Variants in GPR137C observed in about 807,000 individuals in gnomAD.
GPR137C encodes G protein-coupled receptor 137C.
GPR137C carries 27 observed loss-of-function variants against 43.4 expected under a neutral mutation model. The ratio of observed to expected loss-of-function variants is 0.62; its 90% CI spans 0.46 to 0.86. GPR137C has a LOEUF of 0.86. Ranked by LOEUF, GPR137C falls within the 40% of genes least tolerant of loss-of-function variation. The probability of loss-of-function intolerance (pLI) is 0.00; values close to 1 mark genes in which losing one functional copy is unlikely to be tolerated. For missense variants in GPR137C, 522 were observed against 534.6 expected (o/e 0.98, Z 0.23); for synonymous variants, 285 against 226.9 (o/e 1.26, Z -2.30).
At chr14:52,570,438 C>T (rs2038447818) in intron 1 of GPR137C, among the ~76,000 whole-genome samples, 1 of 152,162 alleles carries the variant, frequency 6.6e-6, no homozygotes, top group African/African-American at 2.4e-5. Flanking sequence ...ACTGCATCGA[C>T]TAACGGGCAA....
intron 1 of GPR137C, among the ~76,000 whole-genome samples, chr14:52,569,196 G>A (rs913068496): frequency 2.6e-5 from 4 of 152,170 alleles, no homozygotes; most frequent in African/African-American, 4.8e-5. Flanking sequence ...CACCGGAGGG[G>A]CCTGACTGTT....
chr14:52,611,076 A>C (rs1249997017), intron 3 of GPR137C, among the ~76,000 whole-genome samples: 1 of 152,222 alleles, frequency 6.6e-6, no homozygotes, highest in South Asian at 2.1e-4. Context: ...TGCTATCATT[A>C]ATATAAAAGT....
intron 4 of GPR137C, 109 bp from the exon 5 acceptor site, chr14:52,633,421 C>A: frequency 1.2e-6 from 1 of 842,008 alleles, no homozygotes; most frequent in Non-Finnish European, 1.8e-6. Context: ...AGTTTATGTG[C>A]TTGTAGTTGA....
Position 52,559,887 on chromosome 14 carries a change from A to G in GPR137C, c.444+6296A>G, listed in dbSNP as rs1231780453. Among the ~76,000 whole-genome samples the G allele has an allele frequency of 1.3e-5, 2 of 152,196 alleles. 1 individual carries two copies. The highest frequency in any genetic ancestry group is 3.9e-4 in the East Asian group (2 of 5,192). The stretch of plus-strand genomic sequence containing the variant: ...ATATAAAAATTCCACTTGGCAGGGC[A>G]TGGTAGCTCACGCCTTTAATCTCAG... On this transcript the variant is annotated intron_variant, in intron 1 of 6. Transcript: ENST00000321662.
rs534915958 is a variant in GPR137C, at chr14:52,578,862, T to A, written c.445-19410T>A. Among the ~76,000 whole-genome samples the A allele has an allele frequency of 5.9e-5, 9 of 151,988 alleles. No homozygotes were observed. The South Asian group carries it at 1.9e-3, about 32-fold the overall frequency. ...AGGAGGCTGAGGCTGGAGAATCTCT[T>A]GAACCTAGGAGGCCGAGTTTGCAGT... On this transcript the variant is annotated intron_variant, in intron 1 of 6. Coordinates refer to ENST00000321662, the MANE Select transcript of GPR137C (RefSeq NM_001099652.2).
intron 1 of GPR137C, among the ~76,000 whole-genome samples, chr14:52,583,134 AAATTGACATC>A (rs2038669637): frequency 2.0e-5 from 3 of 152,202 alleles, no homozygotes. Flanking sequence ...CATCTGACTT[AAATTGACATC>A]AGTAAGTCAT....
Position 52,634,390 on chromosome 14 carries a change from C to G in GPR137C, c.1112+444C>G, listed in dbSNP as rs911332646. 2.6e-5 allele frequency among the ~76,000 whole-genome samples: 4 copies of G among 152,078 alleles called. No individual in the cohort carries two copies. The South Asian group carries it at 8.3e-4, about 31-fold the overall frequency. On this transcript the variant is annotated intron_variant, in intron 6 of 6. Transcript: ENST00000321662. ...TTACAAAACCATTTCAAGTCCGTAA[C>G]TAGTACACTATTGACTGTGATTCGG...
chr14:52,631,184 T>C (rs2139582876), intron 3 of GPR137C, among the ~76,000 whole-genome samples: 1 of 152,314 alleles, frequency 6.6e-6, no homozygotes, highest in African/African-American at 2.4e-5. Context: ...CAGATAATTA[T>C]AAACAGGTGT....
At position 52,636,242 on chromosome 14, in the gene GPR137C, G is replaced by GTAC. The variant is rs1566629687; in HGVS notation, c.*1129_*1130insCTA. 1 of 151,842 alleles carries GTAC rather than the reference G, an allele frequency of 6.6e-6. No homozygotes were observed. Among genetic ancestry groups the GTAC allele is most frequent in the Non-Finnish European group, 1.5e-5 (1 of 67,912 alleles). 9.4% of individuals were successfully genotyped at this position (151,842 alleles called of 1,614,324 possible). A position where few individuals can be genotyped will look rare whatever the true frequency, so the allele number is the denominator to read the frequency against. ...AAACTTAAGTAAATGTACAAACTAG[G>GTAC]TAAGTATAAAACCACAGGTTAACAA... On this transcript the variant is annotated 3_prime_UTR_variant, in exon 7 of 7. Transcript: ENST00000321662.
intron 3 of GPR137C, among the ~76,000 whole-genome samples, chr14:52,619,727 C>CA (rs1313341552): frequency 2.0e-5 from 3 of 152,020 alleles, no homozygotes; most frequent in African/African-American, 7.2e-5. Context: ...AAAAGCCATC[C>CA]ACTCCATAAT....
chr14:52,612,883 A>G (rs1466138285), intron 3 of GPR137C: 1 of 151,778 alleles, frequency 6.6e-6, no homozygotes, highest in African/African-American at 2.4e-5. Context: ...ATTTTTTTTA[A>G]TTCTTAGAAA....
chr14:52,637,025 C>T lies in GPR137C; in HGVS notation c.*1910C>T, dbSNP rs1214906745. ...AAAGTTTTTCTAGTAAGGCTCCCCT[C>T]GATAATGTTCCTATTTGACCAAACT... On this transcript the variant is annotated 3_prime_UTR_variant, in exon 7 of 7. Coordinates refer to ENST00000321662, the MANE Select transcript of GPR137C (RefSeq NM_001099652.2). The T allele has an allele frequency of 3.3e-5, 5 of 152,052 alleles. No individual in the cohort carries two copies. Among genetic ancestry groups the T allele is most frequent in the Non-Finnish European group, 5.9e-5 (4 of 67,960 alleles). 9.4% of individuals were successfully genotyped at this position (152,052 alleles called of 1,614,324 possible).
chr14:52,620,799 C>A (rs1182782449), intron 3 of GPR137C, among the ~76,000 whole-genome samples: 1 of 151,708 alleles, frequency 6.6e-6, no homozygotes, highest in Non-Finnish European at 1.5e-5. Flanking sequence ...ACTAGTTGTG[C>A]TTAACAGCAG....
chr14:52,623,096 C>T (rs1172457372), intron 3 of GPR137C, among the ~76,000 whole-genome samples: 1 of 152,110 alleles, frequency 6.6e-6, no homozygotes, highest in African/African-American at 2.4e-5. Context: ...TGTTTCCTAT[C>T]AGGCGTTGAC....
chr14:52,600,585 G>A (rs912254422), intron 3 of GPR137C, among the ~76,000 whole-genome samples: 2 of 152,090 alleles, frequency 1.3e-5, no homozygotes, highest in African/African-American at 2.4e-5. Context: ...CAGGTAGCTG[G>A]GACTACAGGC....
chr14:52,589,605 G>A (rs1460391882), intron 1 of GPR137C, among the ~76,000 whole-genome samples: 1 of 152,146 alleles, frequency 6.6e-6, no homozygotes, highest in Non-Finnish European at 1.5e-5. Context: ...GAGACTAACA[G>A]TATACTATTT....
intron 1 of GPR137C, 74 bp downstream of exon 1, chr14:52,553,665 C>T: frequency 1.7e-6 from 2 of 1,183,594 alleles, no homozygotes; most frequent in Non-Finnish European, 2.3e-6. Flanking sequence ...CGCTGAGGAC[C>T]AGCGGGGGCG....
At chr14:52,611,967 A>T in intron 3 of GPR137C, 1 of 985,328 alleles carries the variant, frequency 1.0e-6, no homozygotes, top group Non-Finnish European at 1.2e-6. Flanking sequence ...TTCTTACAAA[A>T]CTTGGAAAAA....
intron 1 of GPR137C, among the ~76,000 whole-genome samples, chr14:52,581,138 G>C (rs1029668599): frequency 1.3e-5 from 2 of 149,968 alleles, no homozygotes; most frequent in Non-Finnish European, 3.0e-5. Context: ...AGAGGTTGCA[G>C]TGAGCCGAGA....
Sources: gnomAD v4.1 joint callset for allele counts (sites outside exome capture counted in the v4.1 genomes callset) on GRCh38, gnomAD v4.1.1 for gene constraint, MANE v1.5 for transcripts, NCBI Gene and HGNC (gene_info 2026-07-23, HGNC 2026-07-21) for gene names.